Variants in ZNF75D observed in about 807,000 individuals in gnomAD.
The protein encoded by ZNF75D is zinc finger protein 75.
ZNF75D carries 33 observed loss-of-function variants against 33.3 expected under a neutral mutation model. The observed-to-expected ratio is 0.99, with a 90% CI of 0.75 to 1.32. ZNF75D has a LOEUF of 1.32. ZNF75D is among the 40% of genes most tolerant of loss of function. The pLI is 0.00. For synonymous variants in ZNF75D, 113 were observed against 130.6 expected, an observed-to-expected ratio of 0.87 and a Z score of 0.92; for missense variants, 338 against 367.5, an observed-to-expected ratio of 0.92 and a Z score of 0.66.
At chrX:135,289,770 A>T (rs1397451002) in intron 6 of ZNF75D, among the ~76,000 whole-genome samples, 1 of 111,899 alleles carries the variant, frequency 8.9e-6, no homozygotes, top group African/African-American at 3.3e-5. Context: ...GCTATGTTCT[A>T]GGAACCACAT....
chrX:135,302,122 T>C (rs1480351089), intron 1 of ZNF75D, among the ~76,000 whole-genome samples: 1 of 112,290 alleles, frequency 8.9e-6, no homozygotes, highest in African/African-American at 3.2e-5. Context: ...GAGCTATGAC[T>C]ATTCATGAAG....
At chrX:135,329,923 C>A (rs1320287424) in intron 1 of ZNF75D, among the ~76,000 whole-genome samples, 1 of 111,723 alleles carries the variant, frequency 9.0e-6, no homozygotes, top group East Asian at 2.8e-4. Context: ...TTTCTGCCAC[C>A]ATTTTAATCT....
At chrX:135,249,635 C>T (rs1215292950) in intron 3 of ZNF75D, among the ~76,000 whole-genome samples, 5 of 102,887 alleles carry the variant, frequency 4.9e-5, no homozygotes, top group Admixed American at 1.1e-4. Context: ...TAATTTCATC[C>T]GATCTTCCAG....
chrX:135,291,323 C>A, intron 5 of ZNF75D, 149 bp downstream of exon 5: 1 of 801,916 alleles, frequency 1.2e-6, no homozygotes. Context: ...TGCCCAGTTC[C>A]CACTGTGCCA....
At chrX:135,274,932 T>G (rs782111255) in intron 1 of ZNF75D, among the ~76,000 whole-genome samples, 1 of 111,708 alleles carries the variant, frequency 9.0e-6, no homozygotes, top group African/African-American at 3.2e-5. Flanking sequence ...TTACCAAGGA[T>G]AAGAACTCTA....
At position 135,292,299 on chromosome X, in the gene ZNF75D, G is replaced by T; in HGVS notation, c.586C>A (p.Gln196Lys). 1.7e-6 allele frequency: 2 copies of T among 1,210,660 alleles called. No individual in the cohort carries two copies. The highest frequency in any genetic ancestry group is 3.5e-5 in the South Asian group (2 of 56,843). ...QLGWNTHKET[Q>K]PVYERAVHDQ... ...TCCTCACCTCTTTCATATACAGGCT[G>T]GGTTTCTTTGTGAGTGTTCCAGCCC... The change falls in exon 4 of 7, where the codon CAG becomes AAG. Residue 196 changes from glutamine to lysine, a missense_variant. Gln to Lys is a moderately conservative substitution (Grantham distance 53, BLOSUM62 1). Coordinates refer to ENST00000370766, the MANE Select transcript of ZNF75D (RefSeq NM_007131.5).
rs1556421133 is a variant in ZNF75D, at chrX:135,291,131, A to G, written c.701T>C (p.Leu234Ser). The G allele has an allele frequency of 5.0e-6, 6 of 1,211,640 alleles. No individual in the cohort carries two copies. The highest frequency in any genetic ancestry group is 5.6e-6 in the Non-Finnish European group (5 of 895,331). Residue 234 changes from leucine to serine, a missense_variant, in exon 6 of 7, where the codon TTG becomes TCG. By Grantham distance (145) the Leu-to-Ser change is moderately radical. Coordinates refer to ENST00000370766, the MANE Select transcript of ZNF75D (RefSeq NM_007131.5). ...CACAGCCACATCTTCAAATGTCAAC[A>G]AACTCTAAAGAAGAGAATGGGCTAT... ...SKLILPESLS[L>S]LTFEDVAVYF...
chrX:135,326,089 T>C (rs1159684981), intron 1 of ZNF75D, among the ~76,000 whole-genome samples: 1 of 101,897 alleles, frequency 9.8e-6, no homozygotes, highest in Non-Finnish European at 2.0e-5. Context: ...GGATTGTAAA[T>C]ACACCAATCG....
At chrX:135,337,357 A>C (rs2084725433) in intron 1 of ZNF75D, among the ~76,000 whole-genome samples, 1 of 111,842 alleles carries the variant, frequency 8.9e-6, no homozygotes, top group South Asian at 3.8e-4. Context: ...CTTACTGCAG[A>C]GGCCTTTTAG....
intron 6 of ZNF75D, among the ~76,000 whole-genome samples, chrX:135,290,083 G>C (rs1381516334): frequency 8.9e-6 from 1 of 112,063 alleles, no homozygotes; most frequent in African/African-American, 3.2e-5. Context: ...GAGTCGTGTG[G>C]TGTGAATTGG....
intron 1 of ZNF75D, among the ~76,000 whole-genome samples, chrX:135,333,709 T>C (rs782257823): frequency 5.4e-5 from 6 of 111,918 alleles, no homozygotes; most frequent in African/African-American, 1.9e-4. Context: ...TCATCCCACC[T>C]ACCTTCCCGC....
At chrX:135,301,146 T>C (rs781908537) in intron 1 of ZNF75D, among the ~76,000 whole-genome samples, 1 of 111,804 alleles carries the variant, frequency 8.9e-6, no homozygotes, top group South Asian at 3.7e-4. Flanking sequence ...CAGGAAAAAC[T>C]GCCATTTATA....
Position 135,306,284 on chromosome X carries a change from T to TACACACAC in ZNF75D, c.-390-10246_-390-10245insGTGTGTGT, listed in dbSNP as rs1355135835. Among the ~76,000 whole-genome samples the TACACACAC allele has an allele frequency of 5.2e-4, 28 of 53,812 alleles. 1 individual carries two copies. Among genetic ancestry groups the TACACACAC allele is most frequent in the Admixed American group, 2.2e-3 (9 of 4,168 alleles). The allele number at this position is 53,812 out of a possible 115,157, so 46.7% of individuals were successfully genotyped here. A position where few individuals can be genotyped will look rare whatever the true frequency, so the allele number is the denominator to read the frequency against. ...CTTCAGGAAGACAGGACAACAGAGA[T>TACACACAC]ACATACACACACACACACACACACA... On this transcript the variant is annotated intron_variant, in intron 1 of 6. Coordinates refer to ENST00000370766, the MANE Select transcript of ZNF75D (RefSeq NM_007131.5).
intron 1 of ZNF75D, among the ~76,000 whole-genome samples, chrX:135,332,269 A>T (rs1398413265): frequency 9.0e-6 from 1 of 111,713 alleles, no homozygotes; most frequent in Non-Finnish European, 1.9e-5. Context: ...TGAGTGAGAA[A>T]ACAAGTAGCA....
intron 1 of ZNF75D, among the ~76,000 whole-genome samples, chrX:135,308,889 C>G (rs1238688332): frequency 9.0e-6 from 1 of 111,713 alleles, no homozygotes; most frequent in Non-Finnish European, 1.9e-5. Flanking sequence ...GAAGGCAAAT[C>G]CTATTTGAAG....
At position 135,286,378 on chromosome X, in the gene ZNF75D, A is replaced by C. The variant is rs781963337; in HGVS notation, c.*759T>G. ...TTATCTGTGCTTTCTACAAAAAAAA[A>C]CCAGATACCTGGATGAGGGCCAAGA... On this transcript the variant is annotated 3_prime_UTR_variant, in exon 7 of 7. Transcript: ENST00000370766. The C allele has an allele frequency of 8.0e-5, 9 of 111,982 alleles. No individual in the cohort carries two copies. Among genetic ancestry groups the C allele is most frequent in the East Asian group, 2.8e-4 (1 of 3,585 alleles). 9.2% of individuals were successfully genotyped at this position (111,982 alleles called of 1,213,427 possible). A position where few individuals can be genotyped will look rare whatever the true frequency, so the allele number is the denominator to read the frequency against.
chrX:135,267,754 T>G (rs1228988422), intron 1 of ZNF75D, among the ~76,000 whole-genome samples: 1 of 106,821 alleles, frequency 9.4e-6, no homozygotes, highest in Non-Finnish European at 1.9e-5. Context: ...ACATCCAAAC[T>G]CATTCTGCAA....
chrX:135,291,447 A>C (rs782594071), intron 5 of ZNF75D, 25 bp downstream of exon 5: 1 of 1,209,322 alleles, frequency 8.3e-7, no homozygotes, highest in East Asian at 3.0e-5. Context: ...AAGTCACCTG[A>C]AAAAAGCCAG....
chrX:135,283,559 A>C (rs2083928621), downstream of ZNF75D, among the ~76,000 whole-genome samples: 2 of 111,685 alleles, frequency 1.8e-5, no homozygotes, highest in Admixed American at 1.9e-4. Flanking sequence ...CGTTTTGTTT[A>C]TTCTTCTCTC....
Sources: gnomAD v4.1 joint callset for allele counts (sites outside exome capture counted in the v4.1 genomes callset) on GRCh38, gnomAD v4.1.1 for gene constraint, MANE v1.5 for transcripts, NCBI Gene and HGNC (gene_info 2026-07-23, HGNC 2026-07-21) for gene names.